ZSWIM6: variants seen among roughly 807,000 people sequenced by gnomAD.
ZSWIM6 encodes zinc finger SWIM-type containing 6.
Under a neutral mutation model 113.2 loss-of-function variants are expected in ZSWIM6, and 9 were observed. The ratio of observed to expected loss-of-function variants is 0.08; its 90% CI spans 0.05 to 0.14. The LOEUF is 0.14. Ranked by LOEUF, ZSWIM6 falls within the 10% of genes least tolerant of loss-of-function variation. The probability of loss-of-function intolerance (pLI) is 1.00; values close to 1 mark genes in which losing one functional copy is unlikely to be tolerated. For missense variants in ZSWIM6, 1,162 were observed against 1,552.2 expected, an observed-to-expected ratio of 0.75 and a Z score of 4.22; for synonymous variants, 611 against 606.5, an observed-to-expected ratio of 1.01 and a Z score of -0.11.
At chr5:61,333,236 C>T (rs1040926986) in intron 1 of ZSWIM6, among the ~76,000 whole-genome samples, 2 of 151,924 alleles carry the variant, frequency 1.3e-5, no homozygotes, top group African/African-American at 2.4e-5. Context: ...CCGCCCTCCT[C>T]CGGGGAGCAC....
chr5:61,398,912 G>GTTTTT (rs57439648), intron 1 of ZSWIM6, among the ~76,000 whole-genome samples: 1 of 61,784 alleles, frequency 1.6e-5, no homozygotes, highest in Non-Finnish European at 3.0e-5. Flanking sequence ...GTGTATAGTT[G>GTTTTT]TTTTTTTTTT....
intron 1 of ZSWIM6, among the ~76,000 whole-genome samples, chr5:61,345,242 AT>A (rs1473434078): frequency 6.6e-6 from 1 of 152,158 alleles, no homozygotes; most frequent in Non-Finnish European, 1.5e-5. Flanking sequence ...TGGCTAACTC[AT>A]TTGTGTGTGT....
At chr5:61,352,411 C>T (rs1451827036) in intron 1 of ZSWIM6, among the ~76,000 whole-genome samples, 1 of 152,164 alleles carries the variant, frequency 6.6e-6, no homozygotes, top group African/African-American at 2.4e-5. Flanking sequence ...ACATAGTTGT[C>T]TCTCAATAAA....
chr5:61,476,808 A>G (rs1747716425), intron 2 of ZSWIM6, among the ~76,000 whole-genome samples: 2 of 152,308 alleles, frequency 1.3e-5, no homozygotes, highest in South Asian at 2.1e-4. Context: ...AAACTGTGGT[A>G]TAGAGACAGA....
intron 5 of ZSWIM6, among the ~76,000 whole-genome samples, chr5:61,525,423 T>C (rs1749249253): frequency 1.3e-5 from 2 of 152,150 alleles, no homozygotes; most frequent in Admixed American, 1.3e-4. Flanking sequence ...GTTGATCCCA[T>C]AAGGGCAGCC....
chr5:61,358,147 G>A (rs1176408330), intron 1 of ZSWIM6, among the ~76,000 whole-genome samples: 1 of 151,800 alleles, frequency 6.6e-6, no homozygotes, highest in Admixed American at 6.6e-5. Flanking sequence ...TCTTTTTCCT[G>A]TTCTTTTTGT....
rs995466814 is a variant in ZSWIM6 at position 61,399,014 on chromosome 5, C to G, written c.676+66066C>G. 4.2e-5 allele frequency among the ~76,000 whole-genome samples: 6 copies of G among 144,444 alleles called. No homozygotes were observed. The South Asian group carries it at 1.1e-3, about 27-fold the overall frequency. The allele number at this position is 144,444 out of a possible 152,430, so 94.8% of individuals were successfully genotyped here. A position where few individuals can be genotyped will look rare whatever the true frequency, so the allele number is the denominator to read the frequency against. ...CTCTGCTCACTGCAACCTCCGCCTC[C>G]TGGTTTCAAGTGATTTTCCTGCCTC... On this transcript the variant is annotated intron_variant, in intron 1 of 13. Coordinates refer to ENST00000252744, the MANE Select transcript of ZSWIM6 (RefSeq NM_020928.2).
At chr5:61,334,688 C>G (rs1744352313) in intron 1 of ZSWIM6, among the ~76,000 whole-genome samples, 1 of 152,182 alleles carries the variant, frequency 6.6e-6, no homozygotes, top group South Asian at 2.1e-4. Context: ...TTCCTTCTGT[C>G]TAGAGGGGGT....
chr5:61,421,708 C>T (rs1746358159), intron 1 of ZSWIM6, among the ~76,000 whole-genome samples: 1 of 152,316 alleles, frequency 6.6e-6, no homozygotes, highest in South Asian at 2.1e-4. Flanking sequence ...TTAGCTTCCA[C>T]TTATAAGTGA....
intron 1 of ZSWIM6, among the ~76,000 whole-genome samples, chr5:61,418,075 G>T (rs1176021052): frequency 1.3e-5 from 2 of 152,106 alleles, no homozygotes; most frequent in African/African-American, 4.8e-5. Context: ...CAGGACTACA[G>T]GCTTTTAACT....
At chr5:61,451,883 G>A (rs1747093055) in intron 1 of ZSWIM6, among the ~76,000 whole-genome samples, 1 of 152,038 alleles carries the variant, frequency 6.6e-6, no homozygotes, top group South Asian at 2.1e-4. Flanking sequence ...AAGTTAAAAG[G>A]TGAACTTCTT....
At chr5:61,372,819 G>GCT (rs1383543638) in intron 1 of ZSWIM6, among the ~76,000 whole-genome samples, 1 of 152,026 alleles carries the variant, frequency 6.6e-6, no homozygotes, top group South Asian at 2.1e-4. Context: ...TCATTTCTGA[G>GCT]TTGTTCAAGT....
intron 1 of ZSWIM6, among the ~76,000 whole-genome samples, chr5:61,437,741 A>G (rs1746740534): frequency 6.7e-6 from 1 of 148,900 alleles, no homozygotes; most frequent in Non-Finnish European, 1.5e-5. Flanking sequence ...AAAAAAAAAG[A>G]AATCCACTAG....
chr5:61,362,769 C>G (rs769017528), intron 1 of ZSWIM6, among the ~76,000 whole-genome samples: 1 of 152,184 alleles, frequency 6.6e-6, no homozygotes, highest in Non-Finnish European at 1.5e-5. Flanking sequence ...TCTGACTGCT[C>G]TCCTGATTGC....
chr5:61,385,091 C>G (rs1032888761), intron 1 of ZSWIM6, among the ~76,000 whole-genome samples: 1 of 152,116 alleles, frequency 6.6e-6, no homozygotes, highest in African/African-American at 2.4e-5. Context: ...CTCCTGCAGT[C>G]CTGGGGTTTG....
At chr5:61,463,332 A>T (rs1747356140) in intron 1 of ZSWIM6, among the ~76,000 whole-genome samples, 1 of 152,232 alleles carries the variant, frequency 6.6e-6, no homozygotes, top group Non-Finnish European at 1.5e-5. Flanking sequence ...TTTTAATATC[A>T]TGAGTTATAC....
At chr5:61,480,205 CATG>C (rs776151693) in intron 2 of ZSWIM6, among the ~76,000 whole-genome samples, 1 of 151,986 alleles carries the variant, frequency 6.6e-6, no homozygotes, top group Non-Finnish European at 1.5e-5. Flanking sequence ...ATATAAAATA[CATG>C]ATTATTTCTG....
At chr5:61,436,810 G>A (rs1344838646) in intron 1 of ZSWIM6, among the ~76,000 whole-genome samples, 1 of 152,152 alleles carries the variant, frequency 6.6e-6, no homozygotes, top group African/African-American at 2.4e-5. Context: ...AGCTAGTTCT[G>A]TTCATCAATA....
intron 1 of ZSWIM6, among the ~76,000 whole-genome samples, chr5:61,364,007 CT>C (rs1385735953): frequency 9.8e-6 from 1 of 102,378 alleles, no homozygotes; most frequent in African/African-American, 3.7e-5. Flanking sequence ...TCTTTCTTTT[CT>C]TTTCTTTTCT....
Sources: allele counts gnomAD v4.1 joint callset (sites outside exome capture counted in the v4.1 genomes callset), GRCh38; gene constraint gnomAD v4.1.1; transcripts MANE v1.5; gene names NCBI Gene and HGNC (gene_info 2026-07-23, HGNC 2026-07-21).